Variants in MATR3 observed in about 807,000 individuals in gnomAD.
MATR3 encodes the protein matrin-3.
Under a neutral mutation model 85.5 loss-of-function variants are expected in MATR3, and 4 were observed. The ratio of observed to expected loss-of-function variants is 0.05; its 90% CI spans 0.02 to 0.11. The LOEUF (loss-of-function observed/expected upper bound fraction) is 0.11, where lower values mean the gene tolerates loss of function less well. MATR3 is among the 10% of genes least tolerant of loss of function. MATR3 has a pLI of 1.00. For missense variants in MATR3, 685 were observed against 1,016.1 expected, an observed-to-expected ratio of 0.67 and a Z score of 4.43; for synonymous variants, 336 against 343.1, an observed-to-expected ratio of 0.98 and a Z score of 0.23.
intron 1 of MATR3, among the ~76,000 whole-genome samples, chr5:139,295,567 C>T (rs972261438): frequency 1.3e-5 from 2 of 152,088 alleles, no homozygotes; most frequent in East Asian, 1.9e-4. Flanking sequence ...AAGGATTTAA[C>T]TACCCTTGAT....
intron 1 of MATR3, among the ~76,000 whole-genome samples, chr5:139,303,758 T>C (rs922177668): frequency 6.6e-6 from 1 of 152,036 alleles, no homozygotes; most frequent in Non-Finnish European, 1.5e-5. Flanking sequence ...CTTTTTTTTT[T>C]AAACTAAAAA....
intron 5 of MATR3, among the ~76,000 whole-genome samples, chr5:139,316,772 A>T (rs1755267034): frequency 6.6e-6 from 1 of 152,060 alleles, no homozygotes; most frequent in Non-Finnish European, 1.5e-5. Flanking sequence ...GCTGGTCTCA[A>T]ACACCTGGCC....
chr5:139,278,996 A>G (rs766096563), intron 2 of MATR3: 18 of 515,958 alleles, frequency 3.5e-5, no homozygotes, highest in South Asian at 2.1e-4. Flanking sequence ...TGTTTGCAGA[A>G]AAAGACAGGT....
At chr5:139,304,621 G>A (rs905661962) in intron 1 of MATR3, among the ~76,000 whole-genome samples, 2 of 152,084 alleles carry the variant, frequency 1.3e-5, no homozygotes, top group Admixed American at 6.6e-5. Flanking sequence ...TGGAAGTGAA[G>A]GGTTCTGCAT....
intron 7 of MATR3, among the ~76,000 whole-genome samples, chr5:139,318,476 T>C (rs1360326166): frequency 6.6e-6 from 1 of 152,080 alleles, no homozygotes; most frequent in Admixed American, 6.6e-5. Context: ...TGTGTTTGAG[T>C]GTCACTCTGT....
At chr5:139,301,603 T>TA (rs1754446801) in intron 1 of MATR3, among the ~76,000 whole-genome samples, 1 of 151,920 alleles carries the variant, frequency 6.6e-6, no homozygotes, top group South Asian at 2.1e-4. Context: ...ATTACAGGTA[T>TA]AAGCCACCGC....
intron 1 of MATR3, among the ~76,000 whole-genome samples, chr5:139,305,833 A>AT (rs926954945): frequency 3.3e-5 from 5 of 152,102 alleles, no homozygotes; most frequent in Non-Finnish European, 7.4e-5. Flanking sequence ...GATTATATCT[A>AT]TTTTTTAAAA....
At chr5:139,326,676 C>T (rs373182271) in intron 14 of MATR3, among the ~76,000 whole-genome samples, 1 of 152,180 alleles carries the variant, frequency 6.6e-6, no homozygotes, top group South Asian at 2.1e-4. Context: ...CCACCCACCT[C>T]AGCCTCCCAA....
chr5:139,308,353 A>G (rs1375935943), intron 2 of MATR3, 26 bp downstream of exon 2: 1 of 1,613,330 alleles, frequency 6.2e-7, no homozygotes, highest in Admixed American at 1.7e-5. Flanking sequence ...AGATGCTTCT[A>G]ATTTCTTTTA....
intron 3 of MATR3, among the ~76,000 whole-genome samples, chr5:139,282,227 T>C (rs1298195325): frequency 2.6e-5 from 4 of 152,232 alleles, no homozygotes; most frequent in Admixed American, 2.6e-4. Context: ...CCTGTCAATA[T>C]ACTCTTGAAA....
Position 139,325,484 on chromosome 5 carries a change from G to C in MATR3, c.2193G>C (p.Leu731Phe). ...EELDQENEAA[L>F]ENGIKNEENT... ...TTGATCAAGAAAACGAAGCAGCGTT[G>C]GAAAATGGAATTAAAAATGAGGAAA... The change falls in exon 13 of 15, where the codon TTG becomes TTC. Residue 731 changes from leucine to phenylalanine, a missense_variant. Physicochemically the swap from Leu to Phe is conservative, Grantham distance 22 (BLOSUM62 0). Transcript: ENST00000394805. 1.2e-6 allele frequency: 2 copies of C among 1,614,148 alleles called. No individual in the cohort carries two copies. Among genetic ancestry groups the C allele is most frequent in the Non-Finnish European group, 1.7e-6 (2 of 1,180,024 alleles).
chr5:139,277,736 T>C (rs1291511522), intron 2 of MATR3, among the ~76,000 whole-genome samples: 1 of 150,254 alleles, frequency 6.7e-6, no homozygotes, highest in African/African-American at 2.5e-5. Flanking sequence ...TTCAAATTCA[T>C]GGGAAATATA....
rs1027010429 is a variant in MATR3 at position 139,330,112 on chromosome 5, C to T, written c.*717C>T. 1.8e-5 allele frequency: 8 copies of T among 454,374 alleles called. No homozygotes were observed. The highest frequency in any genetic ancestry group is 1.2e-4 in the African/African-American group (6 of 49,982). 28.1% of individuals were successfully genotyped at this position (454,374 alleles called of 1,614,324 possible). A position where few individuals can be genotyped will look rare whatever the true frequency, so the allele number is the denominator to read the frequency against. ...ATTTTTGAGATCTTACTGCTTGTCACTTGAATCCCGTGATTGTCATACATC... is the reference window on the plus strand; with the variant it reads ...ATTTTTGAGATCTTACTGCTTGTCATTTGAATCCCGTGATTGTCATACATC... On this transcript the variant is annotated 3_prime_UTR_variant, in exon 15 of 15. Transcript: ENST00000394805.
At chr5:139,275,777 G>C (rs1051366352) in intron 1 of MATR3, among the ~76,000 whole-genome samples, 1 of 152,174 alleles carries the variant, frequency 6.6e-6, no homozygotes, top group Non-Finnish European at 1.5e-5. Flanking sequence ...CTGCACTCCA[G>C]CCTGGGTGGC....
Position 139,308,006 on chromosome 5 carries a change from C to G in MATR3, c.591C>G (p.Asn197Lys). ...TTGATGATCGTGGTCCTAGTCTCAA[C>G]CCAGTGCTTGATTATGACCATGGAA... is the stretch of plus-strand genomic sequence containing the variant. ...DSFDDRGPSL[N>K]PVLDYDHGSR... Residue 197 changes from asparagine (N) to lysine (K), a missense_variant, in exon 2 of 15, where the codon AAC becomes AAG. By Grantham distance (94) the Asn-to-Lys change is moderately conservative. This residue lies in a region of MATR3 where 223 missense variants were observed against 334.4 expected (regional missense o/e 0.67). Coordinates refer to ENST00000394805, the MANE Select transcript of MATR3 (RefSeq NM_018834.6). The G allele has an allele frequency of 6.2e-7, 1 of 1,614,140 alleles. No homozygotes were observed. The highest frequency in any genetic ancestry group is 8.5e-7 in the Non-Finnish European group (1 of 1,180,028).
At chr5:139,290,181 CT>C (rs879575088), upstream of MATR3, among the ~76,000 whole-genome samples, 184 of 143,986 alleles carry the variant, frequency 1.3e-3, no homozygotes, top group Non-Finnish European at 1.3e-3. Context: ...ACTTAAGGTT[CT>C]TTTTTTTTTT....
Position 139,307,807 on chromosome 5 carries a change from A to G in MATR3, c.392A>G (p.Asp131Gly). ...DLDELSRYPE[D>G]KITPENLPQI... is the part of the protein sequence containing the mutation. Reference sequence around the variant, plus strand: ...GATGAACTGAGTCGTTATCCAGAGGACAAGATTACTCCTGAGAATTTGCCC... The same window carrying G: ...GATGAACTGAGTCGTTATCCAGAGGGCAAGATTACTCCTGAGAATTTGCCC... Residue 131 changes from aspartate to glycine, a missense_variant, in exon 2 of 15, where the codon GAC becomes GGC. Transcript: ENST00000394805. The surrounding 1 kb of genome is among the most constrained non-coding windows in gnomAD (Gnocchi z 4.4). 1 of 1,614,100 alleles carries G rather than the reference A, an allele frequency of 6.2e-7. No homozygotes were observed. The highest frequency in any genetic ancestry group is 8.5e-7 in the Non-Finnish European group (1 of 1,180,004).
chr5:139,316,345 A>T (rs1003897866), intron 5 of MATR3, among the ~76,000 whole-genome samples, 157 bp downstream of exon 5: 2 of 152,128 alleles, frequency 1.3e-5, no homozygotes, highest in African/African-American at 4.8e-5. Context: ...TCCTGGGTGC[A>T]AGCAGTTCTC....
intron 2 of MATR3, among the ~76,000 whole-genome samples, chr5:139,309,045 A>C (rs893105638): frequency 6.6e-6 from 1 of 152,160 alleles, no homozygotes; most frequent in African/African-American, 2.4e-5. Context: ...TTCCTCATAA[A>C]CAAATTCTTT....
Sources: gnomAD v4.1 joint callset for allele counts (sites outside exome capture counted in the v4.1 genomes callset) on GRCh38, gnomAD v4.1.1 for gene constraint, gnomAD v4.1.1 regional missense constraint, Gnocchi (gnomAD v3.1) non-coding constraint, MANE v1.5 for transcripts, NCBI Gene and HGNC (gene_info 2026-07-23, HGNC 2026-07-21) for gene names.